The following FAM222B variants were observed in gnomAD, a reference collection of about 807,000 sequenced individuals.
FAM222B encodes family with sequence similarity 222 member B.
FAM222B carries 12 observed loss-of-function variants against 38.0 expected under a neutral mutation model. The observed-to-expected ratio is 0.32, with a 90% CI of 0.20 to 0.51. The LOEUF (loss-of-function observed/expected upper bound fraction) is 0.51, where lower values mean the gene tolerates loss of function less well. FAM222B is among the 20% of genes least tolerant of loss of function. The pLI, the probability that FAM222B is intolerant of heterozygous loss-of-function variation, is 0.97. For missense variants in FAM222B, 716 were observed against 754.2 expected (o/e 0.95, Z 0.59); for synonymous variants, 329 against 317.2 (o/e 1.04, Z -0.40).
intron 1 of FAM222B, among the ~76,000 whole-genome samples, chr17:28,774,749 T>G (rs2035802660): frequency 6.6e-6 from 1 of 152,010 alleles, no homozygotes; most frequent in East Asian, 2.0e-4. Context: ...ATGACCAGCC[T>G]GGTCAACCAT....
At chr17:28,852,096 G>A (rs575241265) in intron 1 of FAM222B, among the ~76,000 whole-genome samples, 8 of 151,388 alleles carry the variant, frequency 5.3e-5, no homozygotes, top group South Asian at 4.2e-4. Flanking sequence ...GGCCTGGCGC[G>A]GTGGCTCACG....
intron 1 of FAM222B, among the ~76,000 whole-genome samples, chr17:28,817,705 G>A (rs1035708799): frequency 6.6e-6 from 1 of 152,154 alleles, no homozygotes; most frequent in African/African-American, 2.4e-5. Flanking sequence ...GGCAACAAGA[G>A]TGAAATTCCA....
chr17:28,853,913 C>G (rs1017568730), intron 1 of FAM222B, among the ~76,000 whole-genome samples: 3 of 151,740 alleles, frequency 2.0e-5, no homozygotes, highest in Non-Finnish European at 2.9e-5. Flanking sequence ...TTCCTCAACA[C>G]CCCCTCTACC....
chr17:28,782,979 A>G (rs959869851), intron 1 of FAM222B, among the ~76,000 whole-genome samples: 5 of 152,010 alleles, frequency 3.3e-5, no homozygotes, highest in African/African-American at 1.2e-4. Flanking sequence ...CTACTAAAAA[A>G]TACAAAAAAT....
At chr17:28,835,724 T>C (rs1176622591) in intron 1 of FAM222B, among the ~76,000 whole-genome samples, 2 of 151,582 alleles carry the variant, frequency 1.3e-5, no homozygotes, top group Non-Finnish European at 2.9e-5. Flanking sequence ...CAATAGCGAG[T>C]TTACAGCTCA....
intron 1 of FAM222B, among the ~76,000 whole-genome samples, chr17:28,830,161 CTTTTTT>C (rs58480451): frequency 9.9e-6 from 1 of 101,516 alleles, no homozygotes. Context: ...TTTATACATT[CTTTTTT>C]TTTTTTTTTT....
intron 1 of FAM222B, among the ~76,000 whole-genome samples, chr17:28,833,246 T>G (rs940553316): frequency 1.3e-5 from 2 of 148,748 alleles, no homozygotes; most frequent in African/African-American, 5.0e-5. Context: ...GAAGTGGAGG[T>G]TGCAGTGAGC....
At chr17:28,847,091 A>T (rs558120508), upstream of FAM222B, among the ~76,000 whole-genome samples, 3 of 151,124 alleles carry the variant, frequency 2.0e-5, no homozygotes, top group African/African-American at 4.9e-5. Context: ...GGCATGGTGG[A>T]ACATGCCTGT....
intron 1 of FAM222B, among the ~76,000 whole-genome samples, chr17:28,798,091 A>G (rs888563146): frequency 6.6e-6 from 1 of 151,996 alleles, no homozygotes; most frequent in African/African-American, 2.4e-5. Context: ...GCTACGAAAA[A>G]AATATGAAAA....
intron 1 of FAM222B, among the ~76,000 whole-genome samples, chr17:28,852,704 A>G (rs902685058): frequency 3.3e-5 from 5 of 152,120 alleles, no homozygotes; most frequent in African/African-American, 4.8e-5. Context: ...CTCCTGCTCA[A>G]TACTGGTCCT....
chr17:28,816,649 AC>A (rs557968897), intron 1 of FAM222B, among the ~76,000 whole-genome samples: 9 of 152,334 alleles, frequency 5.9e-5, no homozygotes, highest in African/African-American at 1.7e-4. Flanking sequence ...ACAAAAAAAA[AC>A]AATGATTGCA....
At chr17:28,787,260 A>G (rs2151859157) in intron 1 of FAM222B, among the ~76,000 whole-genome samples, 1 of 152,254 alleles carries the variant, frequency 6.6e-6, no homozygotes, top group Middle Eastern at 3.4e-3. Flanking sequence ...ATCTAGGGCT[A>G]GTTTCCCAAT....
chr17:28,849,977 G>A (rs1401512746), intron 1 of FAM222B, among the ~76,000 whole-genome samples: 1 of 152,054 alleles, frequency 6.6e-6, no homozygotes, highest in African/African-American at 2.4e-5. Flanking sequence ...CAACTACTCA[G>A]GAGGCTAAGG....
intron 1 of FAM222B, among the ~76,000 whole-genome samples, chr17:28,795,010 G>A (rs963970802): frequency 2.4e-4 from 36 of 151,520 alleles, no homozygotes; most frequent in Admixed American, 2.3e-3. Context: ...GGAGAATCAC[G>A]TGAACCAGGG....
Position 28,801,451 on chromosome 17 carries a change from C to CAA in FAM222B, c.-40-34746_-40-34745dup, listed in dbSNP as rs766189732. ...TCTGGGCGACAGCGAGACTCCGTCT[C>CAA]AAAAAAAAAAAAAAAAAAAGAAAAG... is the stretch of plus-strand genomic sequence containing the variant. On this transcript the variant is annotated intron_variant, in intron 1 of 2. Coordinates refer to ENST00000581407, the MANE Select transcript of FAM222B (RefSeq NM_001077498.3). Among the ~76,000 whole-genome samples the CAA allele has an allele frequency of 6.9e-4, 62 of 90,200 alleles. 2 individuals are homozygous for CAA. The highest frequency in any genetic ancestry group is 2.2e-3 in the African/African-American group (52 of 23,358). The allele number at this position is 90,200 out of a possible 152,430, so 59.2% of individuals were successfully genotyped here.
chr17:28,778,590 A>C (rs1597891121), intron 1 of FAM222B, among the ~76,000 whole-genome samples: 2 of 130,286 alleles, frequency 1.5e-5, no homozygotes, highest in East Asian at 2.2e-4. Flanking sequence ...TGAAACCTCC[A>C]CCTCCTGGGC....
chr17:28,842,918 T>G (rs2039101187), upstream of FAM222B: 1 of 152,366 alleles, frequency 6.6e-6, no homozygotes, highest in Admixed American at 6.5e-5. Flanking sequence ...GGGTCTCTAG[T>G]GGACATGGGA....
At chr17:28,852,978 G>A (rs1184965218) in intron 1 of FAM222B, among the ~76,000 whole-genome samples, 9 of 152,096 alleles carry the variant, frequency 5.9e-5, no homozygotes, top group Non-Finnish European at 1.3e-4. Flanking sequence ...CGGATCACCT[G>A]AGGTCGGGAG....
At position 28,758,916 on chromosome 17, in the gene FAM222B, C is replaced by T; in HGVS notation, c.1043G>A (p.Gly348Asp). 1 of 1,609,392 alleles carries T rather than the reference C, an allele frequency of 6.2e-7. No individual in the cohort carries two copies. Among genetic ancestry groups the T allele is most frequent in the Non-Finnish European group, 8.5e-7 (1 of 1,178,288 alleles). Residue 348 changes from glycine to aspartate, a missense_variant, in exon 3 of 3, where the codon GGC (glycine) becomes GAC (aspartate). Transcript: ENST00000581407. ...GTAGCCAGTGGGGACGCGAGAGATGCCTGTGGGCAGGTTGACAGGACCTGC... is the reference window on the plus strand; with the variant it reads ...GTAGCCAGTGGGGACGCGAGAGATGTCTGTGGGCAGGTTGACAGGACCTGC... ...PAAGPVNLPT[G>D]ISRVPTGYPS...
Sources: gnomAD v4.1 joint callset for allele counts (sites outside exome capture counted in the v4.1 genomes callset) on GRCh38, gnomAD v4.1.1 for gene constraint, MANE v1.5 for transcripts, NCBI Gene and HGNC (gene_info 2026-07-23, HGNC 2026-07-21) for gene names.